TNFRSF19: variants seen among roughly 807,000 people sequenced by gnomAD.
TNFRSF19 encodes the protein tumor necrosis factor receptor superfamily member 19.
A neutral mutation model predicts 46.4 loss-of-function variants in TNFRSF19; 27 were observed. That is an observed-to-expected ratio of 0.58 (90% CI 0.43 to 0.80). The LOEUF (loss-of-function observed/expected upper bound fraction) is 0.80. TNFRSF19 is among the 30% of genes least tolerant of loss of function. The pLI is 0.00. For missense variants in TNFRSF19, 511 were observed against 530.8 expected (o/e 0.96, Z 0.37); for synonymous variants, 204 against 205.0 (o/e 1.00, Z 0.04).
At chr13:23,636,352 C>T (rs548641666) in intron 5 of TNFRSF19, among the ~76,000 whole-genome samples, 1 of 152,282 alleles carries the variant, frequency 6.6e-6, no homozygotes, top group African/African-American at 2.4e-5. Context: ...ATGTTTAACA[C>T]AGGAAACATG....
At chr13:23,597,217 C>A (rs1236283200) in intron 3 of TNFRSF19, among the ~76,000 whole-genome samples, 2 of 152,016 alleles carry the variant, frequency 1.3e-5, no homozygotes, top group Non-Finnish European at 2.9e-5. Context: ...AATTCAAAAG[C>A]TAGCAGAAGA....
chr13:23,646,289 C>T (rs974326022), intron 5 of TNFRSF19, among the ~76,000 whole-genome samples: 1 of 152,162 alleles, frequency 6.6e-6, no homozygotes, highest in Non-Finnish European at 1.5e-5. Flanking sequence ...ACATATATAA[C>T]ATAAAGTTTG....
At chr13:23,586,881 T>G (rs1371479844) in intron 1 of TNFRSF19, among the ~76,000 whole-genome samples, 2 of 152,132 alleles carry the variant, frequency 1.3e-5, no homozygotes, top group Non-Finnish European at 2.9e-5. Flanking sequence ...CATTTCATGC[T>G]TGTGGAATAC....
chr13:23,588,228 AG>A (rs1464449072), intron 1 of TNFRSF19, among the ~76,000 whole-genome samples: 4 of 152,318 alleles, frequency 2.6e-5, no homozygotes, highest in Non-Finnish European at 4.4e-5. Context: ...CTCAGGGTTA[AG>A]TAACTTATTC....
chr13:23,633,942 C>T (rs531385147), intron 5 of TNFRSF19, among the ~76,000 whole-genome samples: 38 of 152,282 alleles, frequency 2.5e-4, no homozygotes, highest in African/African-American at 8.2e-4. Context: ...AGAAAAAATA[C>T]ACCATAAATG....
chr13:23,622,164 G>A (rs987735123), intron 4 of TNFRSF19, among the ~76,000 whole-genome samples: 1 of 152,168 alleles, frequency 6.6e-6, no homozygotes, highest in Non-Finnish European at 1.5e-5. Flanking sequence ...AGCACTTTGG[G>A]AGGCCGAGGA....
Position 23,673,537 on chromosome 13 carries a change from C to G in TNFRSF19, c.*157C>G, listed in dbSNP as rs1035051890. ...GCATTTGAAGCCTTTCAGCCAGTTG[C>G]TTCTGAGCCAGACCAGCTGTAAGCT... On this transcript the variant is annotated 3_prime_UTR_variant, in exon 10 of 10. Transcript: ENST00000248484. 2.3e-6 allele frequency: 3 copies of G among 1,303,488 alleles called. No individual in the cohort carries two copies. The African/African-American group carries it at 4.5e-5, about 20-fold the overall frequency. The allele number at this position is 1,303,488 out of a possible 1,614,324, so 80.7% of individuals were successfully genotyped here. A position where few individuals can be genotyped will look rare whatever the true frequency, so the allele number is the denominator to read the frequency against.
intron 5 of TNFRSF19, among the ~76,000 whole-genome samples, chr13:23,650,163 A>AT (rs1883551207): frequency 2.0e-5 from 3 of 152,192 alleles, no homozygotes; most frequent in South Asian, 4.1e-4. Context: ...CTTAGGAAGT[A>AT]TTTTTGACTG....
chr13:23,593,520 T>C, intron 3 of TNFRSF19, 65 bp downstream of exon 3: 1 of 1,073,064 alleles, frequency 9.3e-7, no homozygotes. Flanking sequence ...TTAACTCAAT[T>C]CTTTGAGTTA....
chr13:23,629,453 G>A (rs979892220), intron 5 of TNFRSF19, among the ~76,000 whole-genome samples: 11 of 152,260 alleles, frequency 7.2e-5, no homozygotes, highest in Admixed American at 7.2e-4. Context: ...AGCTGCCCCA[G>A]GGACCACCCC....
rs142857723 is a variant in TNFRSF19, at chr13:23,618,998, C to T, written c.359+2953C>T. On this transcript the variant is annotated intron_variant, in intron 4 of 9. Transcript: ENST00000248484. ...GTGCAGCAGAAAGGCCCTCACCAGA[C>T]GCCAGATACTGGCATCTTGATCTTG... 7.5e-4 allele frequency among the ~76,000 whole-genome samples: 114 copies of T among 152,276 alleles called. No individual in the cohort carries two copies. The East Asian group carries it at 0.019, about 26-fold the overall frequency.
At chr13:23,647,757 A>G (rs1883415101) in intron 5 of TNFRSF19, among the ~76,000 whole-genome samples, 1 of 152,222 alleles carries the variant, frequency 6.6e-6, no homozygotes, top group Non-Finnish European at 1.5e-5. Context: ...CAACTTTTAA[A>G]TATGGTGTGA....
chr13:23,638,848 T>C (rs921101743), intron 5 of TNFRSF19, among the ~76,000 whole-genome samples: 3 of 152,168 alleles, frequency 2.0e-5, no homozygotes, highest in African/African-American at 7.2e-5. Context: ...CCGGGTGCCC[T>C]TCAGTCCTGT....
chr13:23,667,023 AAATGT>A (rs1951647161), intron 7 of TNFRSF19, among the ~76,000 whole-genome samples: 1 of 151,950 alleles, frequency 6.6e-6, no homozygotes, highest in Non-Finnish European at 1.5e-5. Context: ...CTATATATGT[AAATGT>A]ATAATTTCTC....
intron 5 of TNFRSF19, among the ~76,000 whole-genome samples, chr13:23,633,409 C>T (rs1479262371): frequency 6.6e-6 from 1 of 152,186 alleles, no homozygotes; most frequent in Admixed American, 6.5e-5. Flanking sequence ...TTCAAGAAAG[C>T]AGAAAACTGT....
At position 23,570,776 on chromosome 13, in the gene TNFRSF19, T is replaced by G. The variant is rs1217176696; in HGVS notation, c.-107T>G. 1 of 152,234 alleles carries G rather than the reference T, an allele frequency of 6.6e-6. No individual in the cohort carries two copies. The highest frequency in any genetic ancestry group is 1.5e-5 in the Non-Finnish European group (1 of 68,042). 9.4% of individuals were successfully genotyped at this position (152,234 alleles called of 1,614,324 possible). ...TTTGAAGTTTCGTCTGGGCTTGTGCTGACATACATTTTTGGGAAGGTAGAA... is the reference window on the plus strand; with the variant it reads ...TTTGAAGTTTCGTCTGGGCTTGTGCGGACATACATTTTTGGGAAGGTAGAA... On this transcript the variant is annotated 5_prime_UTR_variant, in exon 1 of 10. The change abolishes the stop of an existing upstream ORF in the 5' untranslated region. Transcript: ENST00000248484.
At chr13:23,644,460 A>T (rs557463540) in intron 5 of TNFRSF19, among the ~76,000 whole-genome samples, 1 of 152,068 alleles carries the variant, frequency 6.6e-6, no homozygotes, top group Non-Finnish European at 1.5e-5. Flanking sequence ...GTGAAGAAGG[A>T]TGTGTTTGCT....
intron 3 of TNFRSF19, among the ~76,000 whole-genome samples, chr13:23,612,782 A>C (rs2138245991): frequency 6.6e-6 from 1 of 152,340 alleles, no homozygotes; most frequent in African/African-American, 2.4e-5. Flanking sequence ...ATTTTGCCAA[A>C]AAATAACCAC....
intron 5 of TNFRSF19, among the ~76,000 whole-genome samples, chr13:23,651,777 G>T (rs1392873096): frequency 6.8e-6 from 1 of 147,396 alleles, no homozygotes; most frequent in Admixed American, 6.9e-5. Flanking sequence ...GTATGTGTTA[G>T]CTGATTAACT....
Sources: gnomAD v4.1 joint callset for allele counts (sites outside exome capture counted in the v4.1 genomes callset) on GRCh38, gnomAD v4.1.1 for gene constraint, MANE v1.5 for transcripts, NCBI Gene and HGNC (gene_info 2026-07-23, HGNC 2026-07-21) for gene names.